The following UBOX5 variants were observed in gnomAD, a reference collection of about 807,000 sequenced individuals.
UBOX5 encodes RING finger protein 37.
Under a neutral mutation model 39.0 loss-of-function variants are expected in UBOX5, and 28 were observed. That is an observed-to-expected ratio of 0.72 (90% CI 0.53 to 0.98). UBOX5 has a LOEUF of 0.98. Ranked by LOEUF, UBOX5 falls within the 50% of genes least tolerant of loss-of-function variation. The pLI, the probability that UBOX5 is intolerant of heterozygous loss-of-function variation, is 0.00. For synonymous variants in UBOX5, 283 were observed against 275.5 expected, an observed-to-expected ratio of 1.03 and a Z score of -0.27; for missense variants, 585 against 674.4, an observed-to-expected ratio of 0.87 and a Z score of 1.47.
chr20:3,122,967 C>T (rs1242652429), intron 2 of UBOX5, among the ~76,000 whole-genome samples: 1 of 151,786 alleles, frequency 6.6e-6, no homozygotes, highest in East Asian at 1.9e-4. Context: ...CCCAATCCAA[C>T]CAAAACTCCC....
chr20:3,139,773 G>A (rs1042250456), intron 1 of UBOX5, among the ~76,000 whole-genome samples: 1 of 150,688 alleles, frequency 6.6e-6, no homozygotes, highest in African/African-American at 2.4e-5. Context: ...GCAATGGTAC[G>A]ATCTTGGCTC....
intron 1 of UBOX5, chr20:3,148,072 A>T: frequency 6.2e-7 from 1 of 1,614,208 alleles, no homozygotes; most frequent in South Asian, 1.1e-5. Context: ...TGACAAATTC[A>T]GAGAGATTAG....
At chr20:3,151,465 T>C (rs1056103622) in intron 1 of UBOX5, among the ~76,000 whole-genome samples, 8 of 152,184 alleles carry the variant, frequency 5.3e-5, no homozygotes, top group Admixed American at 2.6e-4. Flanking sequence ...TGATCTCTGC[T>C]ACACACTATT....
chr20:3,135,482 C>T lies in UBOX5; in HGVS notation c.-41-12076G>A, dbSNP rs754819556. Among the ~76,000 whole-genome samples the T allele has an allele frequency of 5.3e-5, 8 of 152,232 alleles. No homozygotes were observed. The South Asian group carries it at 6.2e-4, about 12-fold the overall frequency. On this transcript the variant is annotated intron_variant, in intron 1 of 4. Coordinates refer to ENST00000217173, the MANE Select transcript of UBOX5 (RefSeq NM_014948.4). ...GGAGTAGGAGCCACAGCTGGGAAGGCAAACGGAGCCGGATGAGGAAGGCCT... is the reference window on the plus strand; with the variant it reads ...GGAGTAGGAGCCACAGCTGGGAAGGTAAACGGAGCCGGATGAGGAAGGCCT...
At chr20:3,136,950 C>CAACCAGAAATTGTTTCTTTTTAA (rs1227161453) in intron 1 of UBOX5, among the ~76,000 whole-genome samples, 1 of 150,994 alleles carries the variant, frequency 6.6e-6, no homozygotes. Flanking sequence ...CTACTGCACC[C>CAACCAGAAATTGTTTCTTTTTAA]AGTCCCTGTT....
chr20:3,156,711 G>C (rs371994900), intron 1 of UBOX5: 2 of 152,238 alleles, frequency 1.3e-5, no homozygotes, highest in African/African-American at 4.8e-5. Context: ...ACCGGTCTGA[G>C]CAGAGCCGAA....
intron 3 of UBOX5, among the ~76,000 whole-genome samples, chr20:3,118,537 G>A (rs1265299246): frequency 1.3e-5 from 2 of 152,100 alleles, no homozygotes; most frequent in Non-Finnish European, 2.9e-5. Context: ...TTGGGAGGCC[G>A]AGGTGGGTGG....
intron 3 of UBOX5, among the ~76,000 whole-genome samples, chr20:3,117,778 G>A (rs768332634): frequency 2.6e-5 from 4 of 151,998 alleles, no homozygotes; most frequent in Admixed American, 6.6e-5. Context: ...GATCACCTGA[G>A]GTCAGGAGTT....
intron 4 of UBOX5, among the ~76,000 whole-genome samples, chr20:3,112,696 G>A (rs1274683488): frequency 1.3e-5 from 2 of 152,180 alleles, no homozygotes; most frequent in African/African-American, 4.8e-5. Flanking sequence ...GCTCACACCT[G>A]TAATCCCAGT....
chr20:3,116,973 G>A (rs1424478803), intron 3 of UBOX5, among the ~76,000 whole-genome samples: 1 of 152,020 alleles, frequency 6.6e-6, no homozygotes, highest in Non-Finnish European at 1.5e-5. Flanking sequence ...GTGCGTGCCT[G>A]TAATCCCAGC....
chr20:3,125,816 G>T (rs1417323153), intron 1 of UBOX5, among the ~76,000 whole-genome samples: 2 of 151,128 alleles, frequency 1.3e-5, no homozygotes, highest in Non-Finnish European at 2.9e-5. Flanking sequence ...CGTCTGGGAA[G>T]TGAGGAGCGC....
At chr20:3,132,267 G>A (rs926030560) in intron 1 of UBOX5, among the ~76,000 whole-genome samples, 53 of 152,032 alleles carry the variant, frequency 3.5e-4, no homozygotes, top group Admixed American at 3.2e-3. Flanking sequence ...CCGAGATCAC[G>A]CCACTGCACT....
chr20:3,148,928 C>A, intron 1 of UBOX5: 1 of 1,614,176 alleles, frequency 6.2e-7, no homozygotes, highest in East Asian at 2.2e-5. Flanking sequence ...ATGGCAGAGG[C>A]TAATGTGTTC....
At chr20:3,154,234 G>A (rs2066662012) in intron 1 of UBOX5, among the ~76,000 whole-genome samples, 1 of 152,154 alleles carries the variant, frequency 6.6e-6, no homozygotes, top group Non-Finnish European at 1.5e-5. Context: ...AGCTCATGCT[G>A]GACGACATAG....
chr20:3,147,606 ACT>A, intron 1 of UBOX5: 1 of 1,613,966 alleles, frequency 6.2e-7, no homozygotes, highest in Non-Finnish European at 8.5e-7. Flanking sequence ...AAATCAATTA[ACT>A]CTACTGGAAA....
At position 3,115,480 on chromosome 20, in the gene UBOX5, C is replaced by T. The variant is rs201387880; in HGVS notation, c.1256-14G>A. The T allele has an allele frequency of 7.5e-6, 12 of 1,603,522 alleles. No homozygotes were observed. Among genetic ancestry groups the T allele is most frequent in the East Asian group, 2.2e-5 (1 of 44,608 alleles). ...GGGACAGTGGACCTGTCGAGAGATGCGCACAGCACAACATCCAGAGACAGG... is the reference window on the plus strand; with the variant it reads ...GGGACAGTGGACCTGTCGAGAGATGTGCACAGCACAACATCCAGAGACAGG... On this transcript the variant is annotated splice_polypyrimidine_tract_variant and intron_variant, in intron 3 of 4. Transcript: ENST00000217173.
intron 4 of UBOX5, among the ~76,000 whole-genome samples, chr20:3,111,124 C>T (rs907966653): frequency 6.6e-6 from 1 of 152,182 alleles, no homozygotes; most frequent in African/African-American, 2.4e-5. Context: ...TCACAGTGAG[C>T]AGCTCTGGCC....
intron 1 of UBOX5, among the ~76,000 whole-genome samples, chr20:3,131,571 C>T (rs572847815): frequency 6.9e-4 from 105 of 152,316 alleles, no homozygotes; most frequent in Non-Finnish European, 1.3e-3. Flanking sequence ...GGAACATTTG[C>T]AAGCCCTGTG....
At chr20:3,153,122 A>C (rs958704175) in intron 1 of UBOX5, among the ~76,000 whole-genome samples, 3 of 152,250 alleles carry the variant, frequency 2.0e-5, no homozygotes, top group African/African-American at 7.2e-5. Flanking sequence ...ATATCTCTAT[A>C]AATGATATTA....
Sources: allele counts gnomAD v4.1 joint callset (sites outside exome capture counted in the v4.1 genomes callset), GRCh38; gene constraint gnomAD v4.1.1; transcripts MANE v1.5; gene names NCBI Gene and HGNC (gene_info 2026-07-23, HGNC 2026-07-21).